The following RIC1 variants were observed in gnomAD, a reference collection of about 807,000 sequenced individuals.
RIC1 encodes guanine nucleotide exchange factor subunit RIC1.
RIC1 carries 88 observed loss-of-function variants against 169.0 expected under a neutral mutation model. The observed-to-expected ratio is 0.52, with a 90% CI of 0.44 to 0.62. The LOEUF (loss-of-function observed/expected upper bound fraction) is 0.62. Ranked by LOEUF, RIC1 falls within the 20% of genes least tolerant of loss-of-function variation. The probability of loss-of-function intolerance (pLI) is 0.00; values close to 1 mark genes in which losing one functional copy is unlikely to be tolerated. For synonymous variants in RIC1, 790 were observed against 601.5 expected, an observed-to-expected ratio of 1.31 and a Z score of -4.59; for missense variants, 1,877 against 1,725.5, an observed-to-expected ratio of 1.09 and a Z score of -1.56.
chr9:5,685,852 G>A (rs1051277869), intron 2 of RIC1, among the ~76,000 whole-genome samples: 16 of 134,794 alleles, frequency 1.2e-4, no homozygotes, highest in Admixed American at 4.5e-4. Context: ...CTACAACATG[G>A]GAGAAAATTT....
chr9:5,668,866 T>A (rs1819934513), intron 2 of RIC1, among the ~76,000 whole-genome samples: 1 of 152,210 alleles, frequency 6.6e-6, no homozygotes, highest in Non-Finnish European at 1.5e-5. Context: ...ATGTCTCAGA[T>A]TAATAATTCA....
intron 2 of RIC1, among the ~76,000 whole-genome samples, chr9:5,670,141 C>T (rs527549765): frequency 6.6e-6 from 1 of 152,196 alleles, no homozygotes; most frequent in African/African-American, 2.4e-5. Flanking sequence ...AGTTTGCTTT[C>T]GAGCCCTTGA....
At chr9:5,716,002 A>G (rs1162001436) in intron 4 of RIC1, among the ~76,000 whole-genome samples, 1 of 151,960 alleles carries the variant, frequency 6.6e-6, no homozygotes, top group Non-Finnish European at 1.5e-5. Flanking sequence ...ACGTCACAGC[A>G]CGCTAATTTT....
At chr9:5,688,650 A>G (rs1821402167) in intron 2 of RIC1, among the ~76,000 whole-genome samples, 1 of 152,172 alleles carries the variant, frequency 6.6e-6, no homozygotes, top group South Asian at 2.1e-4. Flanking sequence ...AATACATTAT[A>G]AAATAGTAAA....
At chr9:5,771,979 C>G (rs557189184) in intron 23 of RIC1, among the ~76,000 whole-genome samples, 14 of 152,090 alleles carry the variant, frequency 9.2e-5, no homozygotes, top group African/African-American at 2.4e-4. Context: ...CATTATCATC[C>G]CTATAAAAAT....
intron 3 of RIC1, among the ~76,000 whole-genome samples, chr9:5,711,699 A>G (rs1349616191): frequency 6.6e-6 from 1 of 152,058 alleles, no homozygotes; most frequent in African/African-American, 2.4e-5. Flanking sequence ...TACATTAGGT[A>G]TATCTCCTAA....
At chr9:5,644,572 C>A (rs1057315215) in intron 1 of RIC1, among the ~76,000 whole-genome samples, 1 of 152,164 alleles carries the variant, frequency 6.6e-6, no homozygotes. Flanking sequence ...TTATTCCACA[C>A]TCTATGTCCA....
At chr9:5,668,819 C>T (rs770768724) in intron 2 of RIC1, among the ~76,000 whole-genome samples, 6 of 151,996 alleles carry the variant, frequency 3.9e-5, no homozygotes, top group Non-Finnish European at 7.4e-5. Context: ...CCATGGTCTC[C>T]TTTAGCTCAT....
At chr9:5,761,182 T>C (rs1826314006) in intron 17 of RIC1, among the ~76,000 whole-genome samples, 1 of 148,582 alleles carries the variant, frequency 6.7e-6, no homozygotes, top group South Asian at 2.2e-4. Flanking sequence ...GGTGCAATCT[T>C]GGCTCACTGC....
intron 16 of RIC1, 102 bp downstream of exon 16, chr9:5,756,474 A>C: frequency 1.3e-6 from 1 of 767,440 alleles, no homozygotes; most frequent in Non-Finnish European, 1.9e-6. Context: ...TTTTATATTC[A>C]ATCTTGTTTT....
At chr9:5,675,814 GAAGA>G (rs1820408786) in intron 2 of RIC1, among the ~76,000 whole-genome samples, 1 of 152,142 alleles carries the variant, frequency 6.6e-6, no homozygotes, top group Non-Finnish European at 1.5e-5. Context: ...GAAAGATGAG[GAAGA>G]GTTTTAATTA....
chr9:5,749,829 A>G (rs1825618136), intron 12 of RIC1, among the ~76,000 whole-genome samples: 3 of 114,748 alleles, frequency 2.6e-5, no homozygotes. Context: ...CCCAGGCTGG[A>G]GTGCAGTGGC....
chr9:5,649,811 C>A (rs1158344643), intron 1 of RIC1, among the ~76,000 whole-genome samples: 1 of 151,412 alleles, frequency 6.6e-6, no homozygotes, highest in African/African-American at 2.4e-5. Flanking sequence ...GTTGCTTCTT[C>A]CAGTTTTTTA....
chr9:5,711,111 T>A (rs1381167974), intron 3 of RIC1, among the ~76,000 whole-genome samples: 1 of 152,096 alleles, frequency 6.6e-6, no homozygotes, highest in Non-Finnish European at 1.5e-5. Flanking sequence ...GTAGAAAAAT[T>A]AATTATTTTG....
At chr9:5,716,735 G>A (rs754696235) in intron 4 of RIC1, among the ~76,000 whole-genome samples, 1 of 152,188 alleles carries the variant, frequency 6.6e-6, no homozygotes, top group Non-Finnish European at 1.5e-5. Context: ...TTTTTCTGAG[G>A]GAGGGGAGTC....
intron 3 of RIC1, among the ~76,000 whole-genome samples, chr9:5,710,865 T>A (rs985116139): frequency 6.6e-6 from 1 of 152,110 alleles, no homozygotes; most frequent in African/African-American, 2.4e-5. Context: ...TGAGGAACTT[T>A]CCCTGGATAT....
At chr9:5,760,810 A>C (rs1385371413) in intron 17 of RIC1, among the ~76,000 whole-genome samples, 1 of 152,212 alleles carries the variant, frequency 6.6e-6, no homozygotes, top group Non-Finnish European at 1.5e-5. Context: ...AGTATTTTGC[A>C]ACTAGAATAT....
rs1223159820 is a variant in RIC1, at chr9:5,754,922, C to G, written c.1684C>G (p.Gln562Glu). 2.0e-6 allele frequency: 3 copies of G among 1,532,530 alleles called. No homozygotes were observed. The highest frequency in any genetic ancestry group is 1.7e-5 in the Admixed American group (1 of 58,610). The allele number at this position is 1,532,530 out of a possible 1,614,324, so 94.9% of individuals were successfully genotyped here. Residue 562 changes from glutamine (Q) to glutamate (E), a missense_variant, in exon 15 of 26, where the codon CAA becomes GAA. Transcript: ENST00000414202. ...VLACYNINDR[Q>E]EELRVYLRTS... ...TGCGTGTTATAACATAAATGACCGTCAAGAAGAGGTAAGTTTTTTCTCTCA... is the reference window on the plus strand; with the variant it reads ...TGCGTGTTATAACATAAATGACCGTGAAGAAGAGGTAAGTTTTTTCTCTCA...
intron 2 of RIC1, among the ~76,000 whole-genome samples, chr9:5,680,815 ATTTTTTTTTTTTTTTT>A (rs66478510): frequency 1.7e-5 from 1 of 57,738 alleles, no homozygotes; most frequent in African/African-American, 5.8e-5. Context: ...GCAGTCATTG[ATTTTTTTTTTTTTTTT>A]TTTTTTTTTT....
Sources: gnomAD v4.1 joint callset for allele counts (sites outside exome capture counted in the v4.1 genomes callset) on GRCh38, gnomAD v4.1.1 for gene constraint, MANE v1.5 for transcripts, NCBI Gene and HGNC (gene_info 2026-07-23, HGNC 2026-07-21) for gene names.